Variants in CSMD1 observed in about 807,000 individuals in gnomAD.
CSMD1 encodes the protein CUB and sushi domain-containing protein 1.
Under a neutral mutation model 417.5 loss-of-function variants are expected in CSMD1, and 213 were observed. That is an observed-to-expected ratio of 0.51 (90% CI 0.46 to 0.57). The LOEUF (loss-of-function observed/expected upper bound fraction) is 0.57. CSMD1 is among the 20% of genes least tolerant of loss of function. CSMD1 has a pLI of 0.00. For missense variants in CSMD1, 6,923 were observed against 4,529.7 expected, an observed-to-expected ratio of 1.53 and a Z score of -15.17; for synonymous variants, 2,862 against 1,736.8, an observed-to-expected ratio of 1.65 and a Z score of -16.11.
At chr8:3,325,338 A>C (rs12681346) in intron 23 of CSMD1, among the ~76,000 whole-genome samples, 1 of 152,194 alleles carries the variant, frequency 6.6e-6, no homozygotes, top group East Asian at 1.9e-4. Flanking sequence ...TCCTATCATA[A>C]CATTTTAGAT....
chr8:3,746,055 A>G (rs1797051210), intron 6 of CSMD1, among the ~76,000 whole-genome samples: 2 of 151,932 alleles, frequency 1.3e-5, no homozygotes, highest in African/African-American at 2.4e-5. Context: ...ACCGCTACCT[A>G]CAAGAGGTAC....
intron 8 of CSMD1, among the ~76,000 whole-genome samples, chr8:3,605,852 C>A (rs1293443377): frequency 6.6e-6 from 1 of 152,138 alleles, no homozygotes; most frequent in Non-Finnish European, 1.5e-5. Flanking sequence ...TTAATCTATT[C>A]TCTGATGAGC....
rs79218219 is a variant in CSMD1, at chr8:3,827,502, C to T, written c.819-73460G>A. ...CGACGTGGTTTTTAACTTGTAATTC[C>T]TCTGTGACATCTAGGTTTCCCCAAG... is the stretch of plus-strand genomic sequence containing the variant. On this transcript the variant is annotated intron_variant, in intron 5 of 69. Coordinates refer to ENST00000635120, the MANE Select transcript of CSMD1 (RefSeq NM_033225.6). Among the ~76,000 whole-genome samples, 629 of 152,224 alleles carry T rather than the reference C, an allele frequency of 4.1e-3. 3 individuals are homozygous for T. The highest frequency in any genetic ancestry group is 0.03 in the South Asian group (144 of 4,822).
intron 10 of CSMD1, among the ~76,000 whole-genome samples, chr8:3,553,853 A>T (rs1436183748): frequency 6.6e-6 from 1 of 152,204 alleles, no homozygotes; most frequent in Non-Finnish European, 1.5e-5. Flanking sequence ...GACTGAAAAC[A>T]CACATATGCC....
chr8:3,087,391 G>C lies in CSMD1; in HGVS notation c.7286-106C>G, dbSNP rs565698907. ...AATGAATGGCTTCTCATTTCCAAAAGGTAGGAAATGAGCACCAGTATGTAA... is the reference window on the plus strand; with the variant it reads ...AATGAATGGCTTCTCATTTCCAAAACGTAGGAAATGAGCACCAGTATGTAA... On this transcript the variant is annotated intron_variant, in intron 48 of 69. Coordinates refer to ENST00000635120, the MANE Select transcript of CSMD1 (RefSeq NM_033225.6). 31 of 1,160,064 alleles carry C rather than the reference G, an allele frequency of 2.7e-5. 1 individual carries two copies. In the South Asian group the frequency reaches 4.1e-4, roughly 15 times the overall value. 71.9% of individuals were successfully genotyped at this position (1,160,064 alleles called of 1,614,324 possible).
intron 48 of CSMD1, among the ~76,000 whole-genome samples, chr8:3,091,147 A>G (rs1000962733): frequency 1.6e-4 from 24 of 152,038 alleles, no homozygotes; most frequent in African/African-American, 5.6e-4. Flanking sequence ...GTAAGAGATT[A>G]TCATCACTTA....
At chr8:4,737,321 C>G (rs1269157084) in intron 1 of CSMD1, among the ~76,000 whole-genome samples, 1 of 151,638 alleles carries the variant, frequency 6.6e-6, no homozygotes. Context: ...AACAACACAC[C>G]CTGGGATCTT....
intron 1 of CSMD1, among the ~76,000 whole-genome samples, chr8:4,808,864 A>G (rs973588063): frequency 1.3e-5 from 2 of 152,230 alleles, no homozygotes; most frequent in African/African-American, 4.8e-5. Flanking sequence ...TGTCTCTCCA[A>G]CAAGTCTGGA....
At chr8:4,810,795 A>G (rs1798854218) in intron 1 of CSMD1, among the ~76,000 whole-genome samples, 2 of 152,332 alleles carry the variant, frequency 1.3e-5, no homozygotes, top group Non-Finnish European at 2.9e-5. Flanking sequence ...TATCACCAAT[A>G]TAATAAATCA....
chr8:3,718,389 C>T (rs1385719311), intron 6 of CSMD1, among the ~76,000 whole-genome samples: 1 of 152,098 alleles, frequency 6.6e-6, no homozygotes, highest in Non-Finnish European at 1.5e-5. Context: ...AATTTTATTT[C>T]TACCCTTAAA....
intron 3 of CSMD1, among the ~76,000 whole-genome samples, chr8:4,287,609 C>A (rs916799974): frequency 2.0e-5 from 3 of 151,820 alleles, no homozygotes; most frequent in African/African-American, 7.3e-5. Flanking sequence ...AGGTTAAGTA[C>A]TTTACATAAC....
intron 5 of CSMD1, among the ~76,000 whole-genome samples, chr8:3,794,391 T>C (rs1339333501): frequency 6.6e-6 from 1 of 152,182 alleles, no homozygotes; most frequent in East Asian, 1.9e-4. Context: ...TTCATCCATG[T>C]AGTTTTCTAT....
chr8:3,299,873 C>G (rs1483276842), intron 25 of CSMD1, among the ~76,000 whole-genome samples: 1 of 152,154 alleles, frequency 6.6e-6, no homozygotes, highest in Non-Finnish European at 1.5e-5. Context: ...TGTAGAGACG[C>G]CCAATTTCTA....
At chr8:3,925,990 T>G (rs78360679) in intron 5 of CSMD1, among the ~76,000 whole-genome samples, 3,366 of 148,198 alleles carry the variant, frequency 0.023, 123 homozygotes, top group African/African-American at 0.076. Context: ...ATTTACCCTA[T>G]GAAACTAATT....
rs563774917 is a variant in CSMD1, at chr8:4,443,449, T to C, written c.303-23384A>G. 1.6e-4 allele frequency among the ~76,000 whole-genome samples: 24 copies of C among 152,346 alleles called. No individual in the cohort carries two copies. In the South Asian group the frequency reaches 5.0e-3, roughly 32 times the overall value. On this transcript the variant is annotated intron_variant, in intron 2 of 69. Transcript: ENST00000635120. ...TTCATTATTCAACAACACTGAATTG[T>C]ATGATGCAATCAAGATTTATCTTTT... is the stretch of plus-strand genomic sequence containing the variant.
At chr8:4,728,798 A>T (rs951148745) in intron 1 of CSMD1, among the ~76,000 whole-genome samples, 5 of 152,170 alleles carry the variant, frequency 3.3e-5, no homozygotes, top group African/African-American at 7.2e-5. Context: ...CACCTAAAAA[A>T]CTCAAACTCC....
intron 2 of CSMD1, among the ~76,000 whole-genome samples, chr8:4,422,601 C>G (rs938701440): frequency 2.0e-5 from 3 of 152,040 alleles, no homozygotes; most frequent in Non-Finnish European, 4.4e-5. Context: ...GGACCCTGAT[C>G]TCAGACTTTC....
intron 3 of CSMD1, among the ~76,000 whole-genome samples, chr8:4,056,541 T>TATC (rs1311403517): frequency 2.9e-4 from 44 of 152,062 alleles, no homozygotes; most frequent in African/African-American, 1.0e-3. Flanking sequence ...ATTTTATTAT[T>TATC]ATTATTATTA....
intron 5 of CSMD1, among the ~76,000 whole-genome samples, chr8:3,967,397 G>A (rs1020680134): frequency 6.6e-6 from 1 of 151,766 alleles, no homozygotes; most frequent in African/African-American, 2.4e-5. Flanking sequence ...TAGGGAGGTT[G>A]TCATTCAACC....
Sources: gnomAD v4.1 joint callset for allele counts (sites outside exome capture counted in the v4.1 genomes callset) on GRCh38, gnomAD v4.1.1 for gene constraint, MANE v1.5 for transcripts, NCBI Gene and HGNC (gene_info 2026-07-23, HGNC 2026-07-21) for gene names.